CEP57: variants seen among roughly 807,000 people sequenced by gnomAD.
CEP57 encodes centrosomal protein 57, also known as centrosomal protein of 57 kDa.
Under a neutral mutation model 68.0 loss-of-function variants are expected in CEP57, and 40 were observed. The observed-to-expected ratio is 0.59, with a 90% CI of 0.46 to 0.77. The LOEUF is 0.77. CEP57 is among the 30% of genes least tolerant of loss of function. The pLI, the probability that CEP57 is intolerant of heterozygous loss-of-function variation, is 0.00. For missense variants in CEP57, 606 were observed against 580.7 expected, an observed-to-expected ratio of 1.04 and a Z score of -0.45; for synonymous variants, 219 against 198.7, an observed-to-expected ratio of 1.10 and a Z score of -0.86.
chr11:95,825,753 G>A (rs535566229), intron 8 of CEP57: 1 of 152,090 alleles, frequency 6.6e-6, no homozygotes, highest in African/African-American at 2.4e-5. Context: ...GCGCCACCAT[G>A]CCTGGCTAAT....
Position 95,831,521 on chromosome 11 carries a change from C to G in CEP57, c.*265C>G. 1 of 253,104 alleles carries G rather than the reference C, an allele frequency of 4.0e-6. No individual in the cohort carries two copies. The highest frequency in any genetic ancestry group is 9.8e-5 in the South Asian group (1 of 10,180). 15.7% of individuals were successfully genotyped at this position (253,104 alleles called of 1,614,324 possible). On this transcript the variant is annotated 3_prime_UTR_variant, in exon 11 of 11. Transcript: ENST00000325542. ...ATGAGTTTGCTGTACTGACGCTGCACTTTGTAAACAGATTACCAGTTTTTT... is the reference window on the plus strand; with the variant it reads ...ATGAGTTTGCTGTACTGACGCTGCAGTTTGTAAACAGATTACCAGTTTTTT...
chr11:95,814,881 CA>C lies in CEP57; in HGVS notation c.504+1293del, dbSNP rs760025030. On this transcript the variant is annotated intron_variant, in intron 4 of 10. Coordinates refer to ENST00000325542, the MANE Select transcript of CEP57 (RefSeq NM_014679.5). Reference sequence around the variant, plus strand: ...TCAGACCCCTGTGGATAGTAAAATCCATGGATGCTCAAGTCTCCTATAAAAT... The same window carrying C: ...TCAGACCCCTGTGGATAGTAAAATCCTGGATGCTCAAGTCTCCTATAAAAT... Among the ~76,000 whole-genome samples the C allele has an allele frequency of 5.3e-5, 8 of 152,214 alleles. No homozygotes were observed. The East Asian group carries it at 9.6e-4, about 18-fold the overall frequency.
chr11:95,826,937 A>T (rs753662658), intron 8 of CEP57: 3 of 152,206 alleles, frequency 2.0e-5, no homozygotes, highest in Non-Finnish European at 4.4e-5. Flanking sequence ...AGGAAAGCAT[A>T]TGTTTAGCTT....
At chr11:95,790,952 G>T (rs1432944422) in intron 1 of CEP57, among the ~76,000 whole-genome samples, 1 of 152,206 alleles carries the variant, frequency 6.6e-6, no homozygotes, top group African/African-American at 2.4e-5. Context: ...TGGGCTGGCC[G>T]CCCCTGTTCC....
At position 95,812,928 on chromosome 11, in the gene CEP57, G is replaced by T; in HGVS notation, c.203-4G>T. 2 of 1,613,460 alleles carry T rather than the reference G, an allele frequency of 1.2e-6. No individual in the cohort carries two copies. Among genetic ancestry groups the T allele is most frequent in the South Asian group, 2.2e-5 (2 of 91,026 alleles). ...GCATCCACGTTTGTGTTTGTATTTG[G>T]CAGCCATATTTTCTGCTCTTAAGAA... is the stretch of plus-strand genomic sequence containing the variant. On this transcript the variant is annotated splice_polypyrimidine_tract_variant and splice_region_variant and intron_variant, in intron 2 of 10. Coordinates refer to ENST00000325542, the MANE Select transcript of CEP57 (RefSeq NM_014679.5).
chr11:95,819,959 T>G (rs1862455289), intron 6 of CEP57, among the ~76,000 whole-genome samples: 1 of 152,246 alleles, frequency 6.6e-6, no homozygotes, highest in Non-Finnish European at 1.5e-5. Context: ...CATGGCTTAA[T>G]TTTTGACCAA....
intron 2 of CEP57, among the ~76,000 whole-genome samples, chr11:95,810,404 T>A (rs1157481509): frequency 6.6e-6 from 1 of 152,154 alleles, no homozygotes; most frequent in African/African-American, 2.4e-5. Context: ...AAAGAGGAAG[T>A]CAAATTGTCC....
chr11:95,819,730 A>G (rs1271893016), intron 6 of CEP57, among the ~76,000 whole-genome samples: 2 of 152,158 alleles, frequency 1.3e-5, no homozygotes, highest in Non-Finnish European at 2.9e-5. Context: ...TCAATCTGTG[A>G]CCAAAGGCCT....
At chr11:95,810,125 A>G (rs968715138) in intron 2 of CEP57, among the ~76,000 whole-genome samples, 7 of 152,232 alleles carry the variant, frequency 4.6e-5, no homozygotes, top group African/African-American at 1.7e-4. Flanking sequence ...GTAGATGCAG[A>G]AAAGGCCTTC....
At chr11:95,793,135 C>T (rs1861175170) in intron 1 of CEP57, among the ~76,000 whole-genome samples, 1 of 152,100 alleles carries the variant, frequency 6.6e-6, no homozygotes, top group African/African-American at 2.4e-5. Flanking sequence ...AAGCAGTGAC[C>T]ATGTAAATCT....
chr11:95,798,009 C>T (rs1861422398), intron 1 of CEP57, among the ~76,000 whole-genome samples: 1 of 152,196 alleles, frequency 6.6e-6, no homozygotes, highest in South Asian at 2.1e-4. Context: ...ATTGAAAACT[C>T]ATCCTATTTT....
At chr11:95,830,948 CTT>C (rs1862976194) in intron 10 of CEP57, 76 bp from the exon 11 acceptor site, 1 of 1,093,640 alleles carries the variant, frequency 9.1e-7, no homozygotes, top group Admixed American at 1.8e-5. Flanking sequence ...AAAAGGTACT[CTT>C]GTACTTTTTG....
At position 95,790,566 on chromosome 11, in the gene CEP57, C is replaced by G. The variant is rs1860974780; in HGVS notation, c.-133C>G. 1.8e-6 allele frequency: 2 copies of G among 1,081,490 alleles called. No homozygotes were observed. The highest frequency in any genetic ancestry group is 2.1e-5 in the Admixed American group (1 of 48,676). 67.0% of individuals were successfully genotyped at this position (1,081,490 alleles called of 1,614,324 possible). Reference sequence around the variant, plus strand: ...GTTGCAGGGGTTTCCAAGCCCAGCACCAGCACCCTTGCCCTTTTCCATCAG... The same window carrying G: ...GTTGCAGGGGTTTCCAAGCCCAGCAGCAGCACCCTTGCCCTTTTCCATCAG... On this transcript the variant is annotated 5_prime_UTR_variant, in exon 1 of 11. Coordinates refer to ENST00000325542, the MANE Select transcript of CEP57 (RefSeq NM_014679.5).
At chr11:95,820,436 A>G (rs74641210) in intron 6 of CEP57, among the ~76,000 whole-genome samples, 2 of 152,040 alleles carry the variant, frequency 1.3e-5, no homozygotes, top group East Asian at 3.9e-4. Context: ...TACTAAAAAT[A>G]CAAAATTGGC....
At chr11:95,810,182 G>C (rs377374182) in intron 2 of CEP57, among the ~76,000 whole-genome samples, 1 of 152,210 alleles carries the variant, frequency 6.6e-6, no homozygotes, top group Non-Finnish European at 1.5e-5. Context: ...AATAAACTAG[G>C]TATTGATGGG....
chr11:95,792,382 C>G (rs540378265), intron 1 of CEP57, among the ~76,000 whole-genome samples: 6 of 152,276 alleles, frequency 3.9e-5, no homozygotes, highest in African/African-American at 1.4e-4. Context: ...GTAATACCAG[C>G]TACTAGTGAG....
intron 4 of CEP57, among the ~76,000 whole-genome samples, chr11:95,814,206 C>T (rs528991799): frequency 2.6e-5 from 4 of 152,178 alleles, no homozygotes; most frequent in South Asian, 2.1e-4. Context: ...GCGCATGCCA[C>T]GATGCCCAGC....
intron 8 of CEP57, among the ~76,000 whole-genome samples, chr11:95,825,454 A>G (rs487585): frequency 0.056 from 8,484 of 152,292 alleles, 752 homozygotes; most frequent in African/African-American, 0.19. Context: ...AGGAATTAAC[A>G]GAAGATGACT....
rs749519225 is a variant in CEP57, at chr11:95,799,340, C to T, written c.154C>T (p.Arg52Cys). The T allele has an allele frequency of 1.1e-5, 17 of 1,613,950 alleles. No individual in the cohort carries two copies. The East Asian group carries it at 2.5e-4, about 23-fold the overall frequency. The change falls in exon 2 of 11, where the codon CGC becomes TGC. Residue 52 changes from arginine (R) to cysteine (C), a missense_variant. Physicochemically the swap from Arg to Cys is radical, Grantham distance 180. Coordinates refer to ENST00000325542, the MANE Select transcript of CEP57 (RefSeq NM_014679.5). ...GCCTTTCCTTAATAGTGATCTACGA[C>T]GCTCCCCAAGTAAGCCTACACTTGC... Reference protein sequence around the residue: ...DKPFLNSDLRRSPSKPTLAYP... With the variant: ...DKPFLNSDLRCSPSKPTLAYP...
Sources: allele counts gnomAD v4.1 joint callset (sites outside exome capture counted in the v4.1 genomes callset), GRCh38; gene constraint gnomAD v4.1.1; transcripts MANE v1.5; gene names NCBI Gene and HGNC (gene_info 2026-07-23, HGNC 2026-07-21).